The following PIK3R5 variants were observed in gnomAD, a reference collection of about 807,000 sequenced individuals.
PIK3R5 encodes phosphoinositide 3-kinase regulatory subunit 5.
In PIK3R5, 32 loss-of-function variants were observed where a neutral mutation model predicts 94.9. The observed-to-expected ratio is 0.34, with a 90% CI of 0.25 to 0.45. PIK3R5 has a LOEUF of 0.45. Among genes scored for constraint, PIK3R5 ranks in the 20% least tolerant of loss-of-function variants. The pLI is 1.00. For missense variants in PIK3R5, 853 were observed against 1,144.6 expected (o/e 0.75, Z 3.68); for synonymous variants, 443 against 479.4 (o/e 0.92, Z 0.99).
At position 8,942,890 on chromosome 17, in the gene PIK3R5, A is replaced by G. The variant is rs147425564; in HGVS notation, c.-14+22706T>C. Among the ~76,000 whole-genome samples, 829 of 150,624 alleles carry G rather than the reference A, an allele frequency of 5.5e-3. 17 individuals carry two copies. Among genetic ancestry groups the G allele is most frequent in the African/African-American group, 0.019 (784 of 40,944 alleles). ...CAAAGTGCTGGGATTACAGGTGTGA[A>G]CCACTGCACCCGGCCCTGTCAGCCT... On this transcript the variant is annotated intron_variant, in intron 1 of 18. Coordinates refer to ENST00000447110, the MANE Select transcript of PIK3R5 (RefSeq NM_001142633.3).
chr17:8,884,794 CACAG>C lies in PIK3R5; in HGVS notation c.2129-15_2129-12del. On this transcript the variant is annotated splice_polypyrimidine_tract_variant and intron_variant, in intron 14 of 18. Transcript: ENST00000447110. This position sits in a 1 kb window ranked among gnomAD's most constrained non-coding sequence, Gnocchi z 5.8. ...GCTTGCTGCCAGGACCTGTGCCACA[CACAG>C]ACAGACCCTTCACTACCCCTGGCTT... The C allele has an allele frequency of 1.9e-6, 3 of 1,612,184 alleles. No individual in the cohort carries two copies. The highest frequency in any genetic ancestry group is 1.7e-4 in the Middle Eastern group (1 of 6,056).
intron 1 of PIK3R5, among the ~76,000 whole-genome samples, chr17:8,947,979 C>G (rs529348511): frequency 2.2e-5 from 3 of 138,380 alleles, no homozygotes; most frequent in Non-Finnish European, 4.6e-5. Context: ...GGAGGCGGAG[C>G]TTGCAGTGAG....
At chr17:8,946,570 AATTCT>A (rs1467155365) in intron 1 of PIK3R5, among the ~76,000 whole-genome samples, 1 of 151,858 alleles carries the variant, frequency 6.6e-6, no homozygotes, top group African/African-American at 2.4e-5. Flanking sequence ...CTCAAATAAA[AATTCT>A]TACCAAGTGA....
At chr17:8,931,340 G>C (rs2090984377) in intron 1 of PIK3R5, among the ~76,000 whole-genome samples, 3 of 152,130 alleles carry the variant, frequency 2.0e-5, no homozygotes. Context: ...GATGAGAAGG[G>C]ATAATTGGCA....
intron 4 of PIK3R5, 137 bp from the exon 5 acceptor site, chr17:8,905,052 G>A (rs1597391412): frequency 2.1e-6 from 2 of 944,208 alleles, no homozygotes; most frequent in East Asian, 2.5e-5. Flanking sequence ...CCAGGACAAG[G>A]TCAGGTGGAA....
chr17:8,915,764 G>A (rs941900906), intron 1 of PIK3R5: 10 of 152,352 alleles, frequency 6.6e-5, no homozygotes, highest in Admixed American at 2.0e-4. Flanking sequence ...ACACTGTAAT[G>A]GATGCAAACA....
intron 1 of PIK3R5, among the ~76,000 whole-genome samples, chr17:8,924,696 T>C (rs2090835265): frequency 6.6e-6 from 1 of 152,138 alleles, no homozygotes; most frequent in South Asian, 2.1e-4. Flanking sequence ...CCTGCCCAAT[T>C]ATGCAAGAAA....
Position 8,889,348 on chromosome 17 carries a change from G to T in PIK3R5, c.812-126C>A, listed in dbSNP as rs1440380882. The T allele has an allele frequency of 3.3e-5, 23 of 688,374 alleles. No homozygotes were observed. The highest frequency in any genetic ancestry group is 5.3e-5 in the Non-Finnish European group (22 of 412,246). 42.6% of individuals were successfully genotyped at this position (688,374 alleles called of 1,614,324 possible). Reference sequence around the variant, plus strand: ...GGATCGGCACAAGGATATGTAGCTGGATAGGCTGAGGCTGAGTTACAGCCA... The same window carrying T: ...GGATCGGCACAAGGATATGTAGCTGTATAGGCTGAGGCTGAGTTACAGCCA... On this transcript the variant is annotated intron_variant, in intron 8 of 18. Transcript: ENST00000447110. This position sits in a 1 kb window ranked among gnomAD's most constrained non-coding sequence, Gnocchi z 4.1.
At chr17:8,905,007 C>T in intron 4 of PIK3R5, 92 bp from the exon 5 acceptor site, 1 of 1,321,198 alleles carries the variant, frequency 7.6e-7, no homozygotes, top group Non-Finnish European at 1.1e-6. Flanking sequence ...TGGAATATTC[C>T]ACAAAAGACA....
At chr17:8,907,238 G>A (rs924028267) in intron 3 of PIK3R5, among the ~76,000 whole-genome samples, 2 of 151,042 alleles carry the variant, frequency 1.3e-5, no homozygotes, top group Admixed American at 1.3e-4. Flanking sequence ...TCACCATGTT[G>A]GCCAGGATGG....
At position 8,889,706 on chromosome 17, in the gene PIK3R5, C is replaced by T. The variant is rs1421815334; in HGVS notation, c.811+267G>A. Among the ~76,000 whole-genome samples, 3 of 152,132 alleles carry T rather than the reference C, an allele frequency of 2.0e-5. No homozygotes were observed. Among genetic ancestry groups the T allele is most frequent in the African/African-American group, 4.8e-5 (2 of 41,398 alleles). On this transcript the variant is annotated intron_variant, in intron 8 of 18. Coordinates refer to ENST00000447110, the MANE Select transcript of PIK3R5 (RefSeq NM_001142633.3). This position sits in a 1 kb window ranked among gnomAD's most constrained non-coding sequence, Gnocchi z 4.1. The stretch of plus-strand genomic sequence containing the variant: ...AGTGATGTGCCCAGCTTCTGCATCA[C>T]CTTCAACAGAAAAGCCCAGCCTTTG...
intron 1 of PIK3R5, among the ~76,000 whole-genome samples, chr17:8,964,987 G>A (rs191178162): frequency 1.4e-5 from 2 of 140,512 alleles, no homozygotes; most frequent in Non-Finnish European, 3.1e-5. Flanking sequence ...GCCAGCACGC[G>A]CACATGCGCA....
intron 1 of PIK3R5, among the ~76,000 whole-genome samples, chr17:8,920,844 CTT>C (rs66921095): frequency 6.0e-5 from 8 of 133,688 alleles, no homozygotes; most frequent in Admixed American, 1.5e-4. Flanking sequence ...TTTTCTTTTT[CTT>C]TTTTTTTTTT....
rs1567633898 is a variant in PIK3R5, at chr17:8,886,396, T to G, written c.2035-74A>C. On this transcript the variant is annotated intron_variant, in intron 13 of 18. Transcript: ENST00000447110. ...CCATTTGGCTCCTCCAGCATAGACC[T>G]GCTGGCTCTCCCGGGGCAGGGGTGG... The G allele has an allele frequency of 1.9e-5, 30 of 1,601,744 alleles. No homozygotes were observed. In the East Asian group the frequency reaches 6.7e-4, roughly 36 times the overall value.
intron 1 of PIK3R5, among the ~76,000 whole-genome samples, chr17:8,918,105 G>A (rs1193009037): frequency 6.6e-6 from 1 of 152,170 alleles, no homozygotes; most frequent in Non-Finnish European, 1.5e-5. Context: ...AGATGTATGT[G>A]CTTGGATTAA....
Position 8,890,198 on chromosome 17 carries a change from C to T in PIK3R5, c.658-72G>A. The stretch of plus-strand genomic sequence containing the variant: ...GCTGTCCACCTGTTCCAGTTGCTAG[C>T]TTCTTACTGAGGGAGGCAGTGATCT... On this transcript the variant is annotated intron_variant, in intron 7 of 18. Coordinates refer to ENST00000447110, the MANE Select transcript of PIK3R5 (RefSeq NM_001142633.3). The surrounding 1 kb of genome is among the most constrained non-coding windows in gnomAD (Gnocchi z 6.1). The T allele has an allele frequency of 6.6e-7, 1 of 1,518,704 alleles. No individual in the cohort carries two copies. Among genetic ancestry groups the T allele is most frequent in the Non-Finnish European group, 9.0e-7 (1 of 1,106,126 alleles). 94.1% of individuals were successfully genotyped at this position (1,518,704 alleles called of 1,614,324 possible).
At position 8,890,008 on chromosome 17, in the gene PIK3R5, G is replaced by A. The variant is rs369083136; in HGVS notation, c.776C>T (p.Ala259Val). The A allele has an allele frequency of 2.7e-5, 44 of 1,613,712 alleles. No individual in the cohort carries two copies. The highest frequency in any genetic ancestry group is 3.5e-5 in the Non-Finnish European group (41 of 1,179,960). Residue 259 changes from alanine to valine, a missense_variant, in exon 8 of 19, where the codon GCG becomes GTG. Physicochemically the swap from Ala to Val is moderately conservative, Grantham distance 64. Around this residue, in one of 6 missense-constraint regions of PIK3R5, gnomAD observed 161 missense variants for 249.5 expected, o/e 0.65. Coordinates refer to ENST00000447110, the MANE Select transcript of PIK3R5 (RefSeq NM_001142633.3). The surrounding 1 kb of genome is among the most constrained non-coding windows in gnomAD (Gnocchi z 6.1). ...ARRWLRTKLQ[A>V]VGEKAGFPGV... ...AGGGAAGCCAGCTTTTTCTCCCACC[G>A]CCTGCAGCTTGGTCCTGAGCCACCG...
In PIK3R5 at chr17:8,955,450, A is replaced by C. The variant is rs1000117482; in HGVS notation, c.-14+10146T>G. ...TGGAGGAGAGCGTGATGATTCGTGG[A>C]GAAAGGAGTGGGACTCAACTTCGAA... On this transcript the variant is annotated intron_variant, in intron 1 of 18. Coordinates refer to ENST00000447110, the MANE Select transcript of PIK3R5 (RefSeq NM_001142633.3). The surrounding 1 kb of genome is among the most constrained non-coding windows in gnomAD (Gnocchi z 4.4). Among the ~76,000 whole-genome samples, 1 of 152,230 alleles carries C rather than the reference A, an allele frequency of 6.6e-6. No homozygotes were observed. Among genetic ancestry groups the C allele is most frequent in the Non-Finnish European group, 1.5e-5 (1 of 68,038 alleles).
At chr17:8,944,971 C>G (rs2091248676) in intron 1 of PIK3R5, among the ~76,000 whole-genome samples, 1 of 152,214 alleles carries the variant, frequency 6.6e-6, no homozygotes, top group Admixed American at 6.5e-5. Context: ...AGCAAGTCCA[C>G]AGCAAATGAA....
Sources: allele counts gnomAD v4.1 joint callset (sites outside exome capture counted in the v4.1 genomes callset), GRCh38; gene constraint gnomAD v4.1.1; regional missense constraint gnomAD v4.1.1; non-coding constraint Gnocchi (gnomAD v3.1); transcripts MANE v1.5; gene names NCBI Gene and HGNC (gene_info 2026-07-23, HGNC 2026-07-21).